Variants in ARB2A observed in about 807,000 individuals in gnomAD.
ARB2A encodes cotranscriptional regulator ARB2A.
the ARB2A span, among the ~76,000 whole-genome samples, chr5:93,639,268 T>C: frequency 6.6e-6 from 1 of 152,206 alleles, no homozygotes; most frequent in South Asian, 2.1e-4. Flanking sequence ...TGTTAGCTTC[T>C]GGAGAATCAG....
the ARB2A span, among the ~76,000 whole-genome samples, chr5:93,648,143 C>T: frequency 8.2e-6 from 1 of 122,172 alleles, no homozygotes; most frequent in African/African-American, 3.1e-5. Flanking sequence ...GAGAACCTGT[C>T]TCAAAAAAAA....
At chr5:93,802,783 A>G in the ARB2A span, among the ~76,000 whole-genome samples, 1 of 152,102 alleles carries the variant, frequency 6.6e-6, no homozygotes, top group African/African-American at 2.4e-5. Flanking sequence ...ATTCTGGTTA[A>G]AACAGAAGCT....
chr5:94,084,959 G>C, the ARB2A span, among the ~76,000 whole-genome samples: 3 of 152,110 alleles, frequency 2.0e-5, no homozygotes, highest in Non-Finnish European at 4.4e-5. Context: ...GTTGGGGCAA[G>C]GAATACAACC....
chr5:93,937,168 C>A, the ARB2A span, among the ~76,000 whole-genome samples: 5 of 151,238 alleles, frequency 3.3e-5, no homozygotes, highest in African/African-American at 4.9e-5. Flanking sequence ...CCACCGCGCC[C>A]GGCCAATTAT....
the ARB2A span, among the ~76,000 whole-genome samples, chr5:93,674,887 C>T: frequency 2.5e-4 from 38 of 152,248 alleles, no homozygotes; most frequent in African/African-American, 8.9e-4. Flanking sequence ...AGAGAAAACT[C>T]CCTGTCTTAA....
At chr5:93,721,295 T>C in the ARB2A span, among the ~76,000 whole-genome samples, 1 of 152,180 alleles carries the variant, frequency 6.6e-6, no homozygotes, top group East Asian at 1.9e-4. Flanking sequence ...TCAGCTTTGA[T>C]GTCTTACTCT....
the ARB2A span, among the ~76,000 whole-genome samples, chr5:93,673,694 T>C: frequency 1.1e-4 from 16 of 152,134 alleles, no homozygotes; most frequent in Admixed American, 2.0e-4. Context: ...TTAGTTTAGG[T>C]TTGTCATTAT....
the ARB2A span, among the ~76,000 whole-genome samples, chr5:94,047,289 C>T: frequency 5.9e-5 from 9 of 151,916 alleles, no homozygotes; most frequent in Non-Finnish European, 1.2e-4. Flanking sequence ...GTCAGGAGTT[C>T]GAGACCAGCC....
the ARB2A span, among the ~76,000 whole-genome samples, chr5:93,920,156 G>A: frequency 6.6e-6 from 1 of 152,106 alleles, no homozygotes; most frequent in Non-Finnish European, 1.5e-5. Flanking sequence ...TATAGCTTTA[G>A]GGCTCGTGCC....
the ARB2A span, among the ~76,000 whole-genome samples, chr5:93,919,989 A>C: frequency 4.8e-4 from 73 of 152,036 alleles, no homozygotes; most frequent in Middle Eastern, 3.4e-3. Context: ...TTTTCTTGAG[A>C]CTCTATAGAA....
At chr5:93,815,815 T>G in the ARB2A span, among the ~76,000 whole-genome samples, 1 of 152,188 alleles carries the variant, frequency 6.6e-6, no homozygotes, top group Non-Finnish European at 1.5e-5. Flanking sequence ...ATTGCCTTGA[T>G]TTTCTGTTCC....
the ARB2A span, among the ~76,000 whole-genome samples, chr5:93,943,029 A>G: frequency 6.6e-6 from 1 of 152,126 alleles, no homozygotes; most frequent in Non-Finnish European, 1.5e-5. Flanking sequence ...AATGTTCCCT[A>G]CTGGTGGATG....
chr5:93,779,133 G>A, the ARB2A span, among the ~76,000 whole-genome samples: 7 of 151,812 alleles, frequency 4.6e-5, no homozygotes, highest in African/African-American at 7.3e-5. Flanking sequence ...GTGCGCGCGC[G>A]CGCGCACGTG....
the ARB2A span, among the ~76,000 whole-genome samples, chr5:93,986,614 T>G: frequency 6.6e-6 from 1 of 152,202 alleles, no homozygotes; most frequent in Non-Finnish European, 1.5e-5. Flanking sequence ...ATCAGAGTGT[T>G]ACTGTGTCTA....
the ARB2A span, among the ~76,000 whole-genome samples, chr5:93,660,683 G>A: frequency 6.6e-6 from 1 of 152,228 alleles, no homozygotes; most frequent in East Asian, 1.9e-4. Context: ...ATTTTACATA[G>A]AGAAAGAGGT....
the ARB2A span, among the ~76,000 whole-genome samples, chr5:93,801,996 G>C: frequency 6.6e-6 from 1 of 152,032 alleles, no homozygotes; most frequent in Non-Finnish European, 1.5e-5. Flanking sequence ...CTGTATTAGA[G>C]ACTGATTTTG....
At chr5:93,722,402 T>TA in the ARB2A span, among the ~76,000 whole-genome samples, 4 of 152,078 alleles carry the variant, frequency 2.6e-5, no homozygotes, top group African/African-American at 4.8e-5. Context: ...ATGTGTACTT[T>TA]AAAAAAATCT....
chr5:93,743,558 C>A, the ARB2A span: 1 of 984,366 alleles, frequency 1.0e-6, no homozygotes, highest in South Asian at 4.7e-5. Context: ...TTCAAAATCA[C>A]GAAGCAATCA....
chr5:93,866,328 T>A, the ARB2A span: 1 of 968,028 alleles, frequency 1.0e-6, no homozygotes, highest in Non-Finnish European at 1.2e-6. Context: ...TCCCCTTAGT[T>A]CTTAAAATTG....
Sources: gnomAD v4.1 joint callset for allele counts (sites outside exome capture counted in the v4.1 genomes callset) on GRCh38, gnomAD v4.1.1 for gene constraint, MANE v1.5 for transcripts, NCBI Gene and HGNC (gene_info 2026-07-23, HGNC 2026-07-21) for gene names.